KCNQ1: variants seen among roughly 807,000 people sequenced by gnomAD.
The protein encoded by KCNQ1 is potassium voltage-gated channel subfamily KQT member 1.
KCNQ1 carries 49 observed loss-of-function variants against 72.4 expected under a neutral mutation model. That is an observed-to-expected ratio of 0.68 (90% CI 0.54 to 0.86). The LOEUF (loss-of-function observed/expected upper bound fraction) is 0.86, where lower values mean the gene tolerates loss of function less well. Among genes scored for constraint, KCNQ1 ranks in the 40% least tolerant of loss-of-function variants. The pLI is 0.00. For missense variants in KCNQ1, 790 were observed against 945.1 expected (o/e 0.84, Z 2.15); for synonymous variants, 450 against 412.6 (o/e 1.09, Z -1.10).
intron 1 of KCNQ1, among the ~76,000 whole-genome samples, chr11:2,472,140 G>T (rs1202268331): frequency 6.8e-6 from 1 of 147,712 alleles, no homozygotes; most frequent in Non-Finnish European, 1.5e-5. Context: ...GCGTATAGGT[G>T]TGTGTGTTTT....
chr11:2,773,762 G>A (rs375116), intron 12 of KCNQ1, among the ~76,000 whole-genome samples: 1 of 144,516 alleles, frequency 6.9e-6, no homozygotes, highest in Non-Finnish European at 1.5e-5. Context: ...CCATCTTACA[G>A]AAAGGAGAAT....
chr11:2,688,275 G>T, intron 11 of KCNQ1: 1 of 398,752 alleles, frequency 2.5e-6, no homozygotes, highest in Non-Finnish European at 4.4e-6. Flanking sequence ...CATGACCTCT[G>T]TTTAGACAAG....
At position 2,748,699 on chromosome 11, in the gene KCNQ1, G is replaced by C. The variant is rs1392706028; in HGVS notation, c.1515-20145G>C. On this transcript the variant is annotated intron_variant, in intron 11 of 15. Coordinates refer to ENST00000155840, the MANE Select transcript of KCNQ1 (RefSeq NM_000218.3). This position sits in a 1 kb window ranked among gnomAD's most constrained non-coding sequence, Gnocchi z 6.2. Reference sequence around the variant, plus strand: ...GCTGGATCACAGAGCTTCGGGTCCAGCCAGCTGCTGCTGCCCCTCCCTCTG... The same window carrying C: ...GCTGGATCACAGAGCTTCGGGTCCACCCAGCTGCTGCTGCCCCTCCCTCTG... Among the ~76,000 whole-genome samples, 2 of 144,202 alleles carry C rather than the reference G, an allele frequency of 1.4e-5. No individual in the cohort carries two copies. Among genetic ancestry groups the C allele is most frequent in the Admixed American group, 6.7e-5 (1 of 14,850 alleles). 94.6% of individuals were successfully genotyped at this position (144,202 alleles called of 152,430 possible). A position where few individuals can be genotyped will look rare whatever the true frequency, so the allele number is the denominator to read the frequency against.
At position 2,549,117 on chromosome 11, in the gene KCNQ1, G is replaced by A. The variant is rs1000143284; in HGVS notation, c.477+21099G>A. ...GGGAGAGTGGCTGGGTGGAGAGGGG[G>A]CAGGCTGAGATCTGAGAAGCCAGGC... On this transcript the variant is annotated intron_variant, in intron 2 of 15. Coordinates refer to ENST00000155840, the MANE Select transcript of KCNQ1 (RefSeq NM_000218.3). The surrounding 1 kb of genome is among the most constrained non-coding windows in gnomAD (Gnocchi z 6.2). 5.9e-5 allele frequency among the ~76,000 whole-genome samples: 9 copies of A among 152,268 alleles called. No individual in the cohort carries two copies. Among genetic ancestry groups the A allele is most frequent in the African/African-American group, 1.9e-4 (8 of 41,544 alleles).
In KCNQ1 at chr11:2,481,476, C is replaced by T. The variant is rs1476551886; in HGVS notation, c.386+35992C>T. 6.6e-6 allele frequency among the ~76,000 whole-genome samples: 1 copy of T among 152,154 alleles called. No homozygotes were observed. Among genetic ancestry groups the T allele is most frequent in the South Asian group, 2.1e-4 (1 of 4,826 alleles). The stretch of plus-strand genomic sequence containing the variant: ...CTACAGCTAGGCTGCTTCCCCGAGG[C>T]TGTGTGGCCATCAGCCAGGCGTCCC... On this transcript the variant is annotated intron_variant, in intron 1 of 15. Coordinates refer to ENST00000155840, the MANE Select transcript of KCNQ1 (RefSeq NM_000218.3). The surrounding 1 kb of genome is among the most constrained non-coding windows in gnomAD (Gnocchi z 4.6).
intron 11 of KCNQ1, chr11:2,666,008 T>C: frequency 2.5e-6 from 1 of 398,678 alleles, no homozygotes; most frequent in Non-Finnish European, 4.4e-6. Context: ...AATTCACACG[T>C]CTGCCCCATT....
intron 11 of KCNQ1, among the ~76,000 whole-genome samples, chr11:2,701,054 G>A (rs567134579): frequency 6.6e-6 from 1 of 152,160 alleles, no homozygotes; most frequent in Admixed American, 6.5e-5. Flanking sequence ...CCCAACCCAG[G>A]GTTGACCTCA....
intron 15 of KCNQ1, chr11:2,840,514 C>CAA (rs201591401): frequency 7.4e-6 from 1 of 135,504 alleles, no homozygotes; most frequent in African/African-American, 2.6e-5. Flanking sequence ...AAACACAAAT[C>CAA]AAAAAAGTAT....
rs1037899444 is a variant in KCNQ1 at position 2,652,222 on chromosome 11, G to A, written c.1394-9739G>A. On this transcript the variant is annotated intron_variant, in intron 10 of 15. Coordinates refer to ENST00000155840, the MANE Select transcript of KCNQ1 (RefSeq NM_000218.3). This position sits in a 1 kb window ranked among gnomAD's most constrained non-coding sequence, Gnocchi z 5.9. The stretch of plus-strand genomic sequence containing the variant: ...TAGCCAGGGCCTGGAGCCGGATGCT[G>A]AGAATGAGGCCTGCAACTCATTTCC... 2.5e-6 allele frequency: 1 copy of A among 398,542 alleles called. No homozygotes were observed. The highest frequency in any genetic ancestry group is 2.1e-5 in the African/African-American group (1 of 48,652). The allele number at this position is 398,542 out of a possible 1,614,324, so 24.7% of individuals were successfully genotyped here. A position where few individuals can be genotyped will look rare whatever the true frequency, so the allele number is the denominator to read the frequency against.
rs1253428225 is a variant in KCNQ1 at position 2,574,133 on chromosome 11, G to A, written c.921+1147G>A. On this transcript the variant is annotated intron_variant, in intron 6 of 15. Transcript: ENST00000155840. ...GTAGCTGGCTGGAGGCCAGAGTGCAGGGAGGGAATGACTCCATCCCATCTC... is the reference window on the plus strand; with the variant it reads ...GTAGCTGGCTGGAGGCCAGAGTGCAAGGAGGGAATGACTCCATCCCATCTC... 5.3e-5 allele frequency among the ~76,000 whole-genome samples: 8 copies of A among 152,326 alleles called. No homozygotes were observed. The South Asian group carries it at 1.7e-3, about 32-fold the overall frequency.
At position 2,544,497 on chromosome 11, in the gene KCNQ1, T is replaced by G. The variant is rs546450182; in HGVS notation, c.477+16479T>G. 1.3e-5 allele frequency among the ~76,000 whole-genome samples: 2 copies of G among 152,060 alleles called. No individual in the cohort carries two copies. The highest frequency in any genetic ancestry group is 4.1e-4 in the South Asian group (2 of 4,826). On this transcript the variant is annotated intron_variant, in intron 2 of 15. Transcript: ENST00000155840. The surrounding 1 kb of genome is among the most constrained non-coding windows in gnomAD (Gnocchi z 4.4). ...TATCTCATATACATATGAGGTTATA[T>G]ACCACTTATTTAGATTTTTAACTTC...
chr11:2,465,379 T>A (rs537888782), intron 1 of KCNQ1, among the ~76,000 whole-genome samples: 1 of 152,298 alleles, frequency 6.6e-6, no homozygotes, highest in South Asian at 2.1e-4. Flanking sequence ...CACAGCGGAC[T>A]GCCTCCTGCA....
intron 1 of KCNQ1, among the ~76,000 whole-genome samples, chr11:2,469,045 C>CAAAAGGGGATTGCTGCT (rs1846399591): frequency 6.6e-6 from 1 of 152,172 alleles, no homozygotes; most frequent in South Asian, 2.1e-4. Context: ...CGTGCGACAG[C>CAAAAGGGGATTGCTGCT]TCTAGTTCCT....
chr11:2,621,630 A>C lies in KCNQ1; in HGVS notation c.1393+32776A>C, dbSNP rs1435160644. On this transcript the variant is annotated intron_variant, in intron 10 of 15. Coordinates refer to ENST00000155840, the MANE Select transcript of KCNQ1 (RefSeq NM_000218.3). This position sits in a 1 kb window ranked among gnomAD's most constrained non-coding sequence, Gnocchi z 5.7. ...CTTAGCAGGTTGGTTTTTTTCTAGG[A>C]ATTTGTCCATTTCCTCTAGGTTATC... is the stretch of plus-strand genomic sequence containing the variant. The C allele has an allele frequency of 2.5e-6, 1 of 398,252 alleles. No individual in the cohort carries two copies. Among genetic ancestry groups the C allele is most frequent in the Admixed American group, 4.4e-5 (1 of 22,712 alleles). 24.7% of individuals were successfully genotyped at this position (398,252 alleles called of 1,614,324 possible).
At position 2,547,408 on chromosome 11, in the gene KCNQ1, A is replaced by G. The variant is rs1349742791; in HGVS notation, c.477+19390A>G. On this transcript the variant is annotated intron_variant, in intron 2 of 15. Transcript: ENST00000155840. This position sits in a 1 kb window ranked among gnomAD's most constrained non-coding sequence, Gnocchi z 4.2. ...ACCACACCTGGCTAATTTTTTTTGT[A>G]TTATTAGTAGAGACGGCGTTTCACC... 6.6e-6 allele frequency among the ~76,000 whole-genome samples: 1 copy of G among 151,700 alleles called. No individual in the cohort carries two copies. Among genetic ancestry groups the G allele is most frequent in the Non-Finnish European group, 1.5e-5 (1 of 67,924 alleles).
rs956854161 is a variant in KCNQ1, at chr11:2,830,221, G to A, written c.1795-17546G>A. 6.7e-4 allele frequency among the ~76,000 whole-genome samples: 102 copies of A among 152,218 alleles called. 1 individual carries two copies. Among genetic ancestry groups the A allele is most frequent in the African/African-American group, 2.4e-3 (100 of 41,532 alleles). Reference sequence around the variant, plus strand: ...TCAGGACTGGCTGGGTGCTACGCAGGAGCCCTCTGACTAGCTGGGGCTGGG... The same window carrying A: ...TCAGGACTGGCTGGGTGCTACGCAGAAGCCCTCTGACTAGCTGGGGCTGGG... On this transcript the variant is annotated intron_variant, in intron 15 of 15. Coordinates refer to ENST00000155840, the MANE Select transcript of KCNQ1 (RefSeq NM_000218.3). This position sits in a 1 kb window ranked among gnomAD's most constrained non-coding sequence, Gnocchi z 7.7.
rs150388450 is a variant in KCNQ1, at chr11:2,687,264, C to G, written c.1514+25183C>G. The G allele has an allele frequency of 7.5e-6, 3 of 398,536 alleles. No homozygotes were observed. The highest frequency in any genetic ancestry group is 1.3e-5 in the Non-Finnish European group (3 of 226,096). The allele number at this position is 398,536 out of a possible 1,614,324, so 24.7% of individuals were successfully genotyped here. ...GCATCACTACCAGCTCCGGGCTTCT[C>G]TCCTCTGGCCTCCCACCTTGCAGCT... On this transcript the variant is annotated intron_variant, in intron 11 of 15. Coordinates refer to ENST00000155840, the MANE Select transcript of KCNQ1 (RefSeq NM_000218.3). This position sits in a 1 kb window ranked among gnomAD's most constrained non-coding sequence, Gnocchi z 5.0.
At chr11:2,763,369 G>C (rs968395964) in intron 11 of KCNQ1, among the ~76,000 whole-genome samples, 11 of 145,132 alleles carry the variant, frequency 7.6e-5, no homozygotes, top group African/African-American at 2.8e-4. Context: ...TTTGAAACCA[G>C]CCTGGGCAAA....
At chr11:2,521,960 C>T (rs1007677918) in intron 1 of KCNQ1, among the ~76,000 whole-genome samples, 1 of 152,256 alleles carries the variant, frequency 6.6e-6, no homozygotes, top group African/African-American at 2.4e-5. Flanking sequence ...CACCCAGGCC[C>T]GCTGCCTGCA....
Sources: gnomAD v4.1 joint callset for allele counts (sites outside exome capture counted in the v4.1 genomes callset) on GRCh38, gnomAD v4.1.1 for gene constraint, Gnocchi (gnomAD v3.1) non-coding constraint, MANE v1.5 for transcripts, NCBI Gene and HGNC (gene_info 2026-07-23, HGNC 2026-07-21) for gene names.